Variants in SYNE2 observed in about 807,000 individuals in gnomAD.
SYNE2 encodes nesprin-2.
A neutral mutation model predicts 856.3 loss-of-function variants in SYNE2; 431 were observed. The observed-to-expected ratio is 0.50, with a 90% CI of 0.47 to 0.55. The LOEUF is 0.55. SYNE2 is among the 20% of genes least tolerant of loss of function. The pLI is 0.00. For synonymous variants in SYNE2, 2,923 were observed against 2,872.3 expected (o/e 1.02, Z -0.56); for missense variants, 8,129 against 8,023.2 (o/e 1.01, Z -0.50).
intron 96 of SYNE2, among the ~76,000 whole-genome samples, chr14:64,185,263 T>TAAAAAA (rs1198546325): frequency 6.6e-6 from 1 of 151,494 alleles, no homozygotes; most frequent in Admixed American, 6.6e-5. Context: ...CCCTGTCTCT[T>TAAAAAA]AAAAAAAAAA....
In SYNE2 at chr14:63,967,973, G is replaced by A. The variant is rs113102885; in HGVS notation, c.1128+127G>A. On this transcript the variant is annotated intron_variant, in intron 11 of 115. Transcript: ENST00000555002. ...AGGTCAGGAGTTTGATAGCAGCCTG[G>A]CCAACATGGCGAAACCCTGTCTCTA... 69 of 871,998 alleles carry A rather than the reference G, an allele frequency of 7.9e-5. 1 individual carries two copies. Among genetic ancestry groups the A allele is most frequent in the African/African-American group, 6.3e-4 (38 of 60,688 alleles). 54.0% of individuals were successfully genotyped at this position (871,998 alleles called of 1,614,324 possible).
intron 18 of SYNE2, 72 bp downstream of exon 18, chr14:63,983,958 A>G: frequency 1.7e-6 from 2 of 1,180,570 alleles, no homozygotes; most frequent in Non-Finnish European, 2.4e-6. Context: ...AAAAAAAGAT[A>G]TTGCCGGGCA....
In SYNE2 at chr14:64,069,661, TG is replaced by T. The variant is rs753963628; in HGVS notation, c.10432-982del. ...GTTCAGTGCTGTGTCTCTTTTTTAG[TG>T]GTAGAGTTGTAAGATTGAACAACTT... On this transcript the variant is annotated intron_variant, in intron 51 of 115. Coordinates refer to ENST00000555002, the MANE Select transcript of SYNE2 (RefSeq NM_182914.3). 2.0e-5 allele frequency among the ~76,000 whole-genome samples: 3 copies of T among 152,336 alleles called. No homozygotes were observed. The East Asian group carries it at 5.8e-4, about 29-fold the overall frequency.
At chr14:63,962,192 A>C (rs1322473266) in intron 9 of SYNE2, among the ~76,000 whole-genome samples, 2 of 151,796 alleles carry the variant, frequency 1.3e-5, no homozygotes, top group Non-Finnish European at 2.9e-5. Context: ...AGTAGCTGGA[A>C]TTACAGGCAT....
In SYNE2 at chr14:63,995,185, C is replaced by A; in HGVS notation, c.2923C>A (p.Leu975Ile). 1 of 1,607,548 alleles carries A rather than the reference C, an allele frequency of 6.2e-7. No individual in the cohort carries two copies. Among genetic ancestry groups the A allele is most frequent in the South Asian group, 1.1e-5 (1 of 90,382 alleles). The part of the protein sequence containing the change: ...KLIRRGRTKG[L>I]IKEHEACFSE... ...TATCCGTAGAGGAAGGACCAAGGGT[C>A]TCATCAAAGAACATGAGGTACAATA... The change falls in exon 23 of 116, where the codon CTC becomes ATC. Residue 975 changes from leucine (L) to isoleucine (I), a missense_variant. Physicochemically the swap from Leu to Ile is conservative, Grantham distance 5 (BLOSUM62 2). Transcript: ENST00000555002.
chr14:63,854,845 C>G (rs1441728773), intron 1 of SYNE2, among the ~76,000 whole-genome samples: 1 of 152,126 alleles, frequency 6.6e-6, no homozygotes, highest in Non-Finnish European at 1.5e-5. Flanking sequence ...GAGTAGTGCT[C>G]TCACTAGCAT....
chr14:63,940,692 C>T lies in SYNE2; in HGVS notation c.141+17C>T. 3 of 1,612,052 alleles carry T rather than the reference C, an allele frequency of 1.9e-6. No homozygotes were observed. Among genetic ancestry groups the T allele is most frequent in the Non-Finnish European group, 2.5e-6 (3 of 1,178,258 alleles). On this transcript the variant is annotated intron_variant, in intron 3 of 115. Coordinates refer to ENST00000555002, the MANE Select transcript of SYNE2 (RefSeq NM_182914.3). ...TTGGCCAGGGTAAGCAAATGAAGAC[C>T]AAATTAGTTTATAAATCTATTTATT... is the stretch of plus-strand genomic sequence containing the variant.
intron 7 of SYNE2, 115 bp from the exon 8 acceptor site, chr14:63,954,604 C>T: frequency 2.3e-6 from 2 of 865,714 alleles, no homozygotes; most frequent in East Asian, 5.3e-5. Flanking sequence ...TTTTATCTAG[C>T]ATGATGTATC....
At chr14:63,851,908 C>T (rs1283332193), upstream of SYNE2, among the ~76,000 whole-genome samples, 1 of 145,358 alleles carries the variant, frequency 6.9e-6, no homozygotes, top group Non-Finnish European at 1.5e-5. Flanking sequence ...CACAGCCAAA[C>T]CCCGACTCTA....
intron 71 of SYNE2, among the ~76,000 whole-genome samples, 197 bp from the exon 72 acceptor site, chr14:64,126,130 T>G: frequency 6.6e-6 from 1 of 152,216 alleles, no homozygotes; most frequent in Non-Finnish European, 1.5e-5. Flanking sequence ...GTTGAGCTTC[T>G]TAAACTCATT....
At chr14:64,223,442 GTGT>G in intron 113 of SYNE2, 62 bp downstream of exon 113, 1 of 1,579,518 alleles carries the variant, frequency 6.3e-7, no homozygotes, top group Non-Finnish European at 8.7e-7. Context: ...CAGGACAGCA[GTGT>G]TGTAGCAATG....
At chr14:63,863,604 C>T (rs1466687225) in intron 1 of SYNE2, among the ~76,000 whole-genome samples, 4 of 151,972 alleles carry the variant, frequency 2.6e-5, no homozygotes, top group Admixed American at 1.3e-4. Context: ...CAAATAAAAA[C>T]CCCCCACAAC....
chr14:64,224,452 G>A lies in SYNE2; in HGVS notation c.20383-9G>A, dbSNP rs373857906. On this transcript the variant is annotated splice_polypyrimidine_tract_variant and intron_variant, in intron 113 of 115. Coordinates refer to ENST00000555002, the MANE Select transcript of SYNE2 (RefSeq NM_182914.3). ...TTTCTGTGCTCAACCTTTGGGGTCT[G>A]AATTTCAGAACCCAGCCTCACCCCT... 3.2e-4 allele frequency: 507 copies of A among 1,605,054 alleles called. No homozygotes were observed. The highest frequency in any genetic ancestry group is 4.2e-4 in the Non-Finnish European group (495 of 1,174,464).
chr14:64,074,058 G>C lies in SYNE2; in HGVS notation c.10788G>C (p.Lys3596Asn). 6.2e-7 allele frequency: 1 copy of C among 1,614,198 alleles called. No homozygotes were observed. The highest frequency in any genetic ancestry group is 8.5e-7 in the Non-Finnish European group (1 of 1,180,018). ...HSFTKEIIALKNFFQQTTTSF... is the reference protein window; with the variant it reads ...HSFTKEIIALNNFFQQTTTSF... ...TCACAAAAGAGATAATTGCTTTGAA[G>C]AATTTCTTTCAACAGACCACAACTT... is the stretch of plus-strand genomic sequence containing the variant. The change falls in exon 53 of 116, where the codon AAG becomes AAC. Residue 3596 changes from lysine (K) to asparagine (N), a missense_variant. Lys to Asn is a moderately conservative substitution (Grantham distance 94, BLOSUM62 0). This residue lies in a region of SYNE2 where 5,410 missense variants were observed against 5,284.8 expected (regional missense o/e 1.02). Coordinates refer to ENST00000555002, the MANE Select transcript of SYNE2 (RefSeq NM_182914.3).
At chr14:64,107,906 G>A (rs1297299282) in intron 65 of SYNE2, among the ~76,000 whole-genome samples, 2 of 152,182 alleles carry the variant, frequency 1.3e-5, no homozygotes, top group Admixed American at 6.5e-5. Context: ...ACTTATGGGG[G>A]CAAAGAAAGT....
chr14:64,142,733 C>T (rs2098149353), intron 82 of SYNE2, among the ~76,000 whole-genome samples: 1 of 152,208 alleles, frequency 6.6e-6, no homozygotes, highest in Non-Finnish European at 1.5e-5. Context: ...CAATACCTGC[C>T]TTCCTCTAAC....
intron 1 of SYNE2, among the ~76,000 whole-genome samples, chr14:63,812,582 C>T (rs917284892): frequency 1.3e-5 from 2 of 152,078 alleles, no homozygotes; most frequent in African/African-American, 4.8e-5. Flanking sequence ...GATAAATGTC[C>T]ATATTAAAAT....
intron 62 of SYNE2, 23 bp downstream of exon 62, chr14:64,098,169 G>T: frequency 1.2e-6 from 2 of 1,612,246 alleles, no homozygotes; most frequent in Non-Finnish European, 1.7e-6. Flanking sequence ...TTAGGTTAAT[G>T]CTGGCCCCAC....
At chr14:64,107,706 T>TA in intron 65 of SYNE2, 99 bp downstream of exon 65, 1 of 959,004 alleles carries the variant, frequency 1.0e-6, no homozygotes, top group Non-Finnish European at 1.7e-6. Context: ...TACGTCAAGC[T>TA]AAGTGTTCCT....
Sources: allele counts gnomAD v4.1 joint callset (sites outside exome capture counted in the v4.1 genomes callset), GRCh38; gene constraint gnomAD v4.1.1; regional missense constraint gnomAD v4.1.1; transcripts MANE v1.5; gene names NCBI Gene and HGNC (gene_info 2026-07-23, HGNC 2026-07-21).